The following PLEKHA5 variants were observed in gnomAD, a reference collection of about 807,000 sequenced individuals.
The protein encoded by PLEKHA5 is pleckstrin homology domain-containing family A member 5.
PLEKHA5 carries 55 observed loss-of-function variants against 181.9 expected under a neutral mutation model. The observed-to-expected ratio is 0.30, with a 90% CI of 0.24 to 0.38. PLEKHA5 has a LOEUF of 0.38. Ranked by LOEUF, PLEKHA5 falls within the 10% of genes least tolerant of loss-of-function variation. The pLI, the probability that PLEKHA5 is intolerant of heterozygous loss-of-function variation, is 1.00. For synonymous variants in PLEKHA5, 535 were observed against 529.4 expected, an observed-to-expected ratio of 1.01 and a Z score of -0.15; for missense variants, 1,432 against 1,549.5, an observed-to-expected ratio of 0.92 and a Z score of 1.27.
At chr12:19,330,649 C>A (rs1168698222) in intron 20 of PLEKHA5, among the ~76,000 whole-genome samples, 4 of 152,106 alleles carry the variant, frequency 2.6e-5, no homozygotes, top group African/African-American at 9.6e-5. Flanking sequence ...ATCTCTACAT[C>A]CTGAAGGTAA....
chr12:19,331,501 G>A (rs1008145911), intron 20 of PLEKHA5, among the ~76,000 whole-genome samples: 1 of 151,938 alleles, frequency 6.6e-6, no homozygotes, highest in Non-Finnish European at 1.5e-5. Context: ...CACCATGCCC[G>A]GCCATTAATC....
Position 19,223,142 on chromosome 12 carries a change from C to T in PLEKHA5, c.228-30798C>T, listed in dbSNP as rs182594838. On this transcript the variant is annotated intron_variant, in intron 3 of 31. Transcript: ENST00000429027. The stretch of plus-strand genomic sequence containing the variant: ...TGCCTCCCGCTACAACCCGTGGCTC[C>T]TAAGTGGAAATGTGTGCTCTGCTGT... Among the ~76,000 whole-genome samples the T allele has an allele frequency of 2.0e-5, 3 of 151,870 alleles. No individual in the cohort carries two copies. In the East Asian group the frequency reaches 5.8e-4, roughly 30 times the overall value.
intron 17 of PLEKHA5, 100 bp from the exon 18 acceptor site, chr12:19,320,457 TTGTTA>T (rs1452550233): frequency 2.6e-5 from 14 of 544,688 alleles, no homozygotes; most frequent in Non-Finnish European, 3.5e-5. Context: ...AAATCTATTT[TTGTTA>T]TGTTATATAT....
chr12:19,366,263 G>A (rs1404192494), intron 30 of PLEKHA5, among the ~76,000 whole-genome samples, 154 bp downstream of exon 30: 1 of 152,122 alleles, frequency 6.6e-6, no homozygotes, highest in Admixed American at 6.6e-5. Context: ...TCAGGAGGAT[G>A]CAGCCCCTGC....
intron 25 of PLEKHA5, among the ~76,000 whole-genome samples, chr12:19,349,740 G>GAAA (rs67664068): frequency 1.7e-5 from 2 of 119,644 alleles, no homozygotes; most frequent in Non-Finnish European, 1.8e-5. Context: ...ACCAGAAACA[G>GAAA]AAAAAAAAAA....
At position 19,287,661 on chromosome 12, in the gene PLEKHA5, A is replaced by G. The variant is rs147224195; in HGVS notation, c.1863+105A>G. 310 of 686,786 alleles carry G rather than the reference A, an allele frequency of 4.5e-4. 1 individual carries two copies. The African/African-American group carries it at 5.0e-3, about 11-fold the overall frequency. 42.5% of individuals were successfully genotyped at this position (686,786 alleles called of 1,614,324 possible). A position where few individuals can be genotyped will look rare whatever the true frequency, so the allele number is the denominator to read the frequency against. On this transcript the variant is annotated intron_variant, in intron 13 of 31. Coordinates refer to ENST00000429027, the MANE Select transcript of PLEKHA5 (RefSeq NM_001256470.2). ...GTTTGAATTTTCAGAGGTTCTCCCA[A>G]AGAAAAAACATTACTGCTTTTGTGC...
intron 3 of PLEKHA5, among the ~76,000 whole-genome samples, chr12:19,137,299 A>C (rs2035947226): frequency 6.6e-6 from 1 of 152,164 alleles, no homozygotes; most frequent in Non-Finnish European, 1.5e-5. Flanking sequence ...GGCGTCCCAA[A>C]GTGCTGGGAT....
chr12:19,346,234 C>A (rs957418585), intron 23 of PLEKHA5, among the ~76,000 whole-genome samples: 1 of 152,066 alleles, frequency 6.6e-6, no homozygotes, highest in South Asian at 2.1e-4. Context: ...GTATGTCATG[C>A]GTAGCATAAA....
intron 3 of PLEKHA5, among the ~76,000 whole-genome samples, chr12:19,135,852 A>G (rs2035454389): frequency 6.6e-6 from 1 of 152,058 alleles, no homozygotes; most frequent in South Asian, 2.1e-4. Flanking sequence ...TTTGGCCAAA[A>G]AACAGTAAAA....
chr12:19,245,585 G>A (rs560373467), intron 3 of PLEKHA5, among the ~76,000 whole-genome samples: 1 of 151,728 alleles, frequency 6.6e-6, no homozygotes, highest in Non-Finnish European at 1.5e-5. Context: ...AAAATTAGCC[G>A]GGCGTGGTGG....
chr12:19,182,644 C>T (rs1266127222), intron 3 of PLEKHA5, among the ~76,000 whole-genome samples: 1 of 152,046 alleles, frequency 6.6e-6, no homozygotes, highest in African/African-American at 2.4e-5. Flanking sequence ...ATTAATGTTG[C>T]CTTGCATTAT....
At chr12:19,352,246 G>A (rs867024466) in intron 25 of PLEKHA5, among the ~76,000 whole-genome samples, 20 of 151,818 alleles carry the variant, frequency 1.3e-4, no homozygotes, top group South Asian at 8.3e-4. Context: ...TTAGCCAGGC[G>A]TGGTAGCACA....
chr12:19,221,993 G>A (rs919931069), intron 3 of PLEKHA5, among the ~76,000 whole-genome samples: 4 of 152,200 alleles, frequency 2.6e-5, no homozygotes, highest in Admixed American at 2.6e-4. Context: ...ATGGTGACAT[G>A]TGCCTGTAGT....
At chr12:19,349,715 GCAA>G (rs774964539) in intron 25 of PLEKHA5, among the ~76,000 whole-genome samples, 11 of 144,208 alleles carry the variant, frequency 7.6e-5, no homozygotes, top group South Asian at 2.3e-4. Context: ...AACAACAACA[GCAA>G]CAACAACAAC....
intron 11 of PLEKHA5, among the ~76,000 whole-genome samples, chr12:19,278,875 C>T (rs535725833): frequency 6.6e-6 from 1 of 152,118 alleles, no homozygotes; most frequent in African/African-American, 2.4e-5. Flanking sequence ...GGAGACATTT[C>T]GTTCAATTTT....
chr12:19,313,556 C>T (rs1409357978), intron 15 of PLEKHA5, among the ~76,000 whole-genome samples: 1 of 151,668 alleles, frequency 6.6e-6, no homozygotes, highest in African/African-American at 2.4e-5. Flanking sequence ...TGTCAAAAGT[C>T]GTTGATGTAT....
At chr12:19,212,435 C>A (rs148671486) in intron 3 of PLEKHA5, among the ~76,000 whole-genome samples, 18 of 152,332 alleles carry the variant, frequency 1.2e-4, no homozygotes, top group Non-Finnish European at 1.8e-4. Context: ...GTAATCCCAA[C>A]ACTCAGAGGC....
intron 15 of PLEKHA5, among the ~76,000 whole-genome samples, chr12:19,299,341 T>C (rs1013757452): frequency 1.3e-5 from 2 of 150,832 alleles, no homozygotes; most frequent in African/African-American, 4.8e-5. Context: ...GGCATGGTGT[T>C]TGCTCAGGAG....
rs1287693601 is a variant in PLEKHA5, at chr12:19,290,708, T to A, written c.1895T>A (p.Leu632Gln). The change falls in exon 14 of 32, where the codon CTG becomes CAG. Residue 632 changes from leucine to glutamine, a missense_variant. By Grantham distance (113) the Leu-to-Gln change is moderately radical. Around this residue, in one of 2 missense-constraint regions of PLEKHA5, gnomAD observed 1,143 missense variants for 1,168.4 expected, o/e 0.98. Coordinates refer to ENST00000429027, the MANE Select transcript of PLEKHA5 (RefSeq NM_001256470.2). ...PEELTLLLIK[L>Q]RRQQAELSSI... ...GAGCTTACGCTGCTGCTAATAAAGC[T>A]GAGACGGCAGCAAGCCGAACTGAGT... 2 of 1,534,916 alleles carry A rather than the reference T, an allele frequency of 1.3e-6. No individual in the cohort carries two copies. The highest frequency in any genetic ancestry group is 1.7e-6 in the Non-Finnish European group (2 of 1,146,024).
Sources: allele counts gnomAD v4.1 joint callset (sites outside exome capture counted in the v4.1 genomes callset), GRCh38; gene constraint gnomAD v4.1.1; regional missense constraint gnomAD v4.1.1; transcripts MANE v1.5; gene names NCBI Gene and HGNC (gene_info 2026-07-23, HGNC 2026-07-21).